CCDC171: variants seen among roughly 807,000 people sequenced by gnomAD.
CCDC171 encodes the protein coiled-coil domain-containing protein 171.
CCDC171 carries 177 observed loss-of-function variants against 168.2 expected under a neutral mutation model. That is an observed-to-expected ratio of 1.05 (90% CI 0.93 to 1.19). The LOEUF is 1.19. Ranked by LOEUF, CCDC171 falls within the 50% of genes most tolerant of loss-of-function variation. The pLI is 0.00. For missense variants in CCDC171, 1,991 were observed against 1,539.0 expected, an observed-to-expected ratio of 1.29 and a Z score of -4.91; for synonymous variants, 687 against 540.8, an observed-to-expected ratio of 1.27 and a Z score of -3.75.
rs113110722 is a variant in CCDC171, at chr9:16,037,091, T to G, written n.1181+885T>G. On this transcript the variant is annotated intron_variant and non_coding_transcript_variant, in intron 8 of 9. Coordinates refer to the CCDC171 transcript ENST00000486641. ...TCTAATGTTCTATAGCATTGTAGGA[T>G]AACCATAGTTAATAATTTATTGTAT... Among the ~76,000 whole-genome samples, 1,015 of 152,346 alleles carry G rather than the reference T, an allele frequency of 6.7e-3. 3 individuals are homozygous for G. The highest frequency in any genetic ancestry group is 0.011 in the Non-Finnish European group (780 of 68,030).
intron 21 of CCDC171, among the ~76,000 whole-genome samples, chr9:15,790,538 C>T (rs2058202082): frequency 6.6e-6 from 1 of 152,144 alleles, no homozygotes; most frequent in South Asian, 2.1e-4. Flanking sequence ...TTCTCCCATC[C>T]TGTAGGTTGC....
At chr9:16,099,685 C>CT in the CCDC171 span, among the ~76,000 whole-genome samples, 1 of 152,190 alleles carries the variant, frequency 6.6e-6, no homozygotes, top group Non-Finnish European at 1.5e-5. Context: ...TCGTGGGCTT[C>CT]TGGTGGGTGA....
At chr9:16,062,250 G>A (rs1008933466), downstream of CCDC171, among the ~76,000 whole-genome samples, 3 of 152,154 alleles carry the variant, frequency 2.0e-5, no homozygotes, top group African/African-American at 7.2e-5. Flanking sequence ...AGATTTTGCA[G>A]CAACATGAAT....
chr9:16,035,075 G>A (rs1468221361), intron 6 of CCDC171, among the ~76,000 whole-genome samples: 1 of 152,136 alleles, frequency 6.6e-6, no homozygotes, highest in African/African-American at 2.4e-5. Flanking sequence ...TATATACTGA[G>A]AATAAAGAAA....
At chr9:15,671,890 G>A (rs200422590) in intron 9 of CCDC171, among the ~76,000 whole-genome samples, 1 of 152,156 alleles carries the variant, frequency 6.6e-6, no homozygotes, top group Non-Finnish European at 1.5e-5. Context: ...GCTGCGTCAA[G>A]TGGTATTTCT....
At chr9:16,098,993 C>A in the CCDC171 span, among the ~76,000 whole-genome samples, 1 of 151,996 alleles carries the variant, frequency 6.6e-6, no homozygotes, top group Admixed American at 6.6e-5. Flanking sequence ...TATAATAAGC[C>A]CTTATTTGGG....
chr9:15,626,784 A>T (rs200437562), intron 7 of CCDC171, among the ~76,000 whole-genome samples: 2 of 151,714 alleles, frequency 1.3e-5, no homozygotes, highest in African/African-American at 4.8e-5. Context: ...TCTTTTTTTT[A>T]GTTGTGTCTT....
At chr9:15,702,703 C>T (rs1588050567) in intron 11 of CCDC171, among the ~76,000 whole-genome samples, 1 of 152,144 alleles carries the variant, frequency 6.6e-6, no homozygotes, top group Admixed American at 6.5e-5. Flanking sequence ...CTACCTGCAT[C>T]GGGGATTTTA....
intron 6 of CCDC171, among the ~76,000 whole-genome samples, chr9:15,604,640 G>C (rs984243697): frequency 6.6e-6 from 1 of 152,118 alleles, no homozygotes; most frequent in Non-Finnish European, 1.5e-5. Flanking sequence ...TATAGAAAGA[G>C]GAGGAAGAGT....
At chr9:15,666,033 T>C (rs2048709404) in intron 8 of CCDC171, 130 bp from the exon 9 acceptor site, 1 of 758,034 alleles carries the variant, frequency 1.3e-6, no homozygotes, top group Non-Finnish European at 2.1e-6. Context: ...TTTTTCTTTT[T>C]TAAGCCAAAG....
Position 15,920,302 on chromosome 9 carries a change from G to A in CCDC171, c.3633G>A (p.Gln1211=). 6.2e-7 allele frequency: 1 copy of A among 1,602,120 alleles called. No homozygotes were observed. The highest frequency in any genetic ancestry group is 2.2e-5 in the East Asian group (1 of 44,632). ...AMIKSFMDVY[Q]LASTRIMTLE... ...TTAAAAGTTTCATGGATGTCTACCA[G>A]CTTGCAAGCACTAGAATCATGACAT... is the stretch of plus-strand genomic sequence containing the variant. The change falls in exon 25 of 26, where the codon CAG becomes CAA. Residue 1211 remains glutamine, a synonymous_variant. Coordinates refer to ENST00000380701, the MANE Select transcript of CCDC171 (RefSeq NM_173550.4).
the CCDC171 span, among the ~76,000 whole-genome samples, chr9:16,102,013 T>C: frequency 6.6e-6 from 1 of 152,204 alleles, no homozygotes; most frequent in Non-Finnish European, 1.5e-5. Flanking sequence ...GCCGAGTTTG[T>C]GGTAATGTGT....
intron 3 of CCDC171, among the ~76,000 whole-genome samples, chr9:16,016,355 A>G (rs933042192): frequency 1.1e-4 from 17 of 152,136 alleles, no homozygotes; most frequent in Admixed American, 4.6e-4. Flanking sequence ...AGCCTCTTTT[A>G]GAAGAGTCTT....
chr9:15,766,236 C>T (rs762900523), intron 18 of CCDC171, among the ~76,000 whole-genome samples: 2 of 152,024 alleles, frequency 1.3e-5, no homozygotes, highest in Non-Finnish European at 2.9e-5. Flanking sequence ...TCTCCTGTGC[C>T]GTGAGTGTTA....
At chr9:16,099,501 G>C in the CCDC171 span, among the ~76,000 whole-genome samples, 2 of 152,216 alleles carry the variant, frequency 1.3e-5, no homozygotes, top group Non-Finnish European at 2.9e-5. Context: ...CTGATTTATT[G>C]TTGCACACCA....
intron 21 of CCDC171, among the ~76,000 whole-genome samples, chr9:15,823,241 G>C (rs1344331170): frequency 1.3e-5 from 2 of 151,888 alleles, no homozygotes. Context: ...GAGATAAAGG[G>C]TGCAGCACAC....
chr9:15,622,971 A>G (rs547308953), intron 6 of CCDC171, among the ~76,000 whole-genome samples: 2 of 152,358 alleles, frequency 1.3e-5, no homozygotes, highest in South Asian at 4.1e-4. Flanking sequence ...GAACTACTGC[A>G]TTATATAAAT....
At chr9:15,881,610 T>G (rs778621120) in intron 24 of CCDC171, among the ~76,000 whole-genome samples, 18 of 152,164 alleles carry the variant, frequency 1.2e-4, no homozygotes, top group Non-Finnish European at 2.2e-4. Context: ...TTAATCAACT[T>G]CTCTTCATCC....
chr9:15,728,517 G>A (rs531682555), intron 15 of CCDC171, among the ~76,000 whole-genome samples: 58 of 152,158 alleles, frequency 3.8e-4, no homozygotes, highest in African/African-American at 1.2e-3. Context: ...TTTGCTTCTC[G>A]AAATACAACA....
Sources: allele counts gnomAD v4.1 joint callset (sites outside exome capture counted in the v4.1 genomes callset), GRCh38; gene constraint gnomAD v4.1.1; transcripts MANE v1.5; gene names NCBI Gene and HGNC (gene_info 2026-07-23, HGNC 2026-07-21).